The following RPGRIP1L variants were observed in gnomAD, a reference collection of about 807,000 sequenced individuals.
The protein encoded by RPGRIP1L is protein fantom.
A neutral mutation model predicts 160.4 loss-of-function variants in RPGRIP1L; 131 were observed. The observed-to-expected ratio is 0.82, with a 90% CI of 0.71 to 0.94. The LOEUF is 0.94. RPGRIP1L is among the 40% of genes least tolerant of loss of function. The probability of loss-of-function intolerance (pLI) is 0.00; values close to 1 mark genes in which losing one functional copy is unlikely to be tolerated. For missense variants in RPGRIP1L, 1,522 were observed against 1,535.8 expected, an observed-to-expected ratio of 0.99 and a Z score of 0.15; for synonymous variants, 510 against 515.8, an observed-to-expected ratio of 0.99 and a Z score of 0.15.
intron 11 of RPGRIP1L, 51 bp from the exon 12 acceptor site, chr16:53,658,515 A>G: frequency 7.3e-7 from 1 of 1,365,770 alleles, no homozygotes; most frequent in Non-Finnish European, 1.0e-6. Flanking sequence ...GGAAAATACA[A>G]GAGACATTCC....
intron 24 of RPGRIP1L, among the ~76,000 whole-genome samples, chr16:53,615,852 C>T (rs1026475898): frequency 5.3e-5 from 8 of 152,240 alleles, no homozygotes; most frequent in Non-Finnish European, 1.0e-4. Flanking sequence ...CCACCTCAGC[C>T]TCCCAAAGTG....
chr16:53,686,304 T>C, intron 6 of RPGRIP1L, 129 bp downstream of exon 6: 2 of 1,022,108 alleles, frequency 2.0e-6, no homozygotes, highest in South Asian at 1.4e-5. Context: ...AGCATAGGCT[T>C]ATATGAAGAA....
intron 15 of RPGRIP1L, among the ~76,000 whole-genome samples, chr16:53,650,911 G>A (rs1247110171): frequency 6.6e-6 from 1 of 151,988 alleles, no homozygotes; most frequent in African/African-American, 2.4e-5. Context: ...CTTGGTCCTT[G>A]GCTACCTTCT....
At chr16:53,635,906 ATAC>A (rs2151026879) in intron 22 of RPGRIP1L, among the ~76,000 whole-genome samples, 1 of 152,340 alleles carries the variant, frequency 6.6e-6, no homozygotes, top group South Asian at 2.1e-4. Flanking sequence ...TTCAATTTAC[ATAC>A]TACTTTTCAG....
At chr16:53,609,115 G>A (rs1468729133) in intron 25 of RPGRIP1L, among the ~76,000 whole-genome samples, 1 of 152,184 alleles carries the variant, frequency 6.6e-6, no homozygotes, top group East Asian at 1.9e-4. Flanking sequence ...TTGAGACAGG[G>A]TCTTGCTCTC....
intron 22 of RPGRIP1L, among the ~76,000 whole-genome samples, chr16:53,625,366 G>A (rs1014297178): frequency 2.7e-5 from 4 of 150,620 alleles, no homozygotes; most frequent in South Asian, 2.1e-4. Context: ...GCCTCCGCCC[G>A]GCCGCCACCC....
chr16:53,625,362 G>A (rs1965036096), intron 22 of RPGRIP1L, among the ~76,000 whole-genome samples: 1 of 150,616 alleles, frequency 6.6e-6, no homozygotes, highest in Non-Finnish European at 1.5e-5. Flanking sequence ...GAGCGCCTCC[G>A]CCCGGCCGCC....
rs1253551117 is a variant in RPGRIP1L at position 53,615,451 on chromosome 16, A to AAT, written c.3616+3572_3616+3573dup. Reference sequence around the variant, plus strand: ...GTTTTTCAGTGTTGGTATTTCTAAGAATATATATATATATATATATATTTT... The same window carrying AAT: ...GTTTTTCAGTGTTGGTATTTCTAAGAATATATATATATATATATATATATTTT... On this transcript the variant is annotated intron_variant, in intron 24 of 26. Transcript: ENST00000647211. Among the ~76,000 whole-genome samples, 56 of 122,392 alleles carry AAT rather than the reference A, an allele frequency of 4.6e-4. No homozygotes were observed. In the South Asian group the frequency reaches 6.6e-3, roughly 15 times the overall value. 80.3% of individuals were successfully genotyped at this position (122,392 alleles called of 152,430 possible). A position where few individuals can be genotyped will look rare whatever the true frequency, so the allele number is the denominator to read the frequency against.
chr16:53,690,244 T>G (rs1970292666), intron 4 of RPGRIP1L, among the ~76,000 whole-genome samples: 1 of 152,230 alleles, frequency 6.6e-6, no homozygotes, highest in African/African-American at 2.4e-5. Context: ...TCGCCCAGGT[T>G]GGAGTGCAAT....
intron 15 of RPGRIP1L, among the ~76,000 whole-genome samples, chr16:53,651,550 G>C (rs1013479604): frequency 5.9e-5 from 9 of 152,134 alleles, no homozygotes; most frequent in African/African-American, 1.4e-4. Flanking sequence ...GCTTACTGCT[G>C]TTCCTCCCAC....
intron 6 of RPGRIP1L, 75 bp downstream of exon 6, chr16:53,686,358 T>C: frequency 1.4e-6 from 2 of 1,449,276 alleles, no homozygotes; most frequent in Non-Finnish European, 1.9e-6. Context: ...GATAAACTTA[T>C]CCTTTTATGG....
In RPGRIP1L at chr16:53,657,580, C is replaced by T. The variant is rs749419261; in HGVS notation, c.1454G>A (p.Ser485Asn). Reference protein sequence around the residue: ...GDLSFLVKVDSEINKDLERSM... With the variant: ...GDLSFLVKVDNEINKDLERSM... Reference sequence around the variant, plus strand: ...GCGTTCTAGATCTTTATTAATTTCACTATCTACTTTCACTAAAAAGGAAAG... The same window carrying T: ...GCGTTCTAGATCTTTATTAATTTCATTATCTACTTTCACTAAAAAGGAAAG... Residue 485 changes from serine to asparagine, a missense_variant, in exon 13 of 27, where the codon AGT (serine) becomes AAT (asparagine). Ser to Asn is a conservative substitution (Grantham distance 46, BLOSUM62 1). Coordinates refer to ENST00000647211, the MANE Select transcript of RPGRIP1L (RefSeq NM_015272.5). 1.2e-6 allele frequency: 2 copies of T among 1,600,862 alleles called. No individual in the cohort carries two copies. The highest frequency in any genetic ancestry group is 8.5e-7 in the Non-Finnish European group (1 of 1,170,412).
chr16:53,673,394 G>C (rs1017663540), intron 7 of RPGRIP1L, among the ~76,000 whole-genome samples: 3 of 152,260 alleles, frequency 2.0e-5, no homozygotes, highest in African/African-American at 7.2e-5. Context: ...GGTCAAAAAT[G>C]CTGACCACAG....
At chr16:53,628,048 G>T (rs1008055028) in intron 22 of RPGRIP1L, among the ~76,000 whole-genome samples, 3 of 152,038 alleles carry the variant, frequency 2.0e-5, no homozygotes, top group Admixed American at 6.6e-5. Flanking sequence ...ATAGGTAAGA[G>T]AATTTCAACC....
chr16:53,624,431 G>A (rs1230133056), intron 22 of RPGRIP1L, among the ~76,000 whole-genome samples: 1 of 151,836 alleles, frequency 6.6e-6, no homozygotes, highest in East Asian at 1.9e-4. Context: ...CACGCGCCTG[G>A]TACTCGGGAG....
At chr16:53,648,898 C>T (rs1055610127) in intron 16 of RPGRIP1L, 66 bp downstream of exon 16, 129 of 1,420,766 alleles carry the variant, frequency 9.1e-5, no homozygotes, top group Admixed American at 3.5e-4. Flanking sequence ...GTTTAAAGCA[C>T]GACACATAAA....
intron 10 of RPGRIP1L, among the ~76,000 whole-genome samples, chr16:53,663,299 C>G (rs777430021): frequency 6.6e-6 from 1 of 151,798 alleles, no homozygotes; most frequent in South Asian, 2.1e-4. Flanking sequence ...ATTAATTCAA[C>G]GACAATAAAC....
intron 15 of RPGRIP1L, among the ~76,000 whole-genome samples, chr16:53,650,074 C>A (rs781156540): frequency 7.9e-5 from 12 of 152,090 alleles, no homozygotes; most frequent in Non-Finnish European, 1.6e-4. Flanking sequence ...TTACTATCTG[C>A]CTGCTATAGT....
At chr16:53,691,641 C>T (rs962590644) in intron 4 of RPGRIP1L, among the ~76,000 whole-genome samples, 5 of 152,178 alleles carry the variant, frequency 3.3e-5, no homozygotes, top group African/African-American at 9.7e-5. Flanking sequence ...GTCATGCTAC[C>T]GCCATCCAAT....
Sources: gnomAD v4.1 joint callset for allele counts (sites outside exome capture counted in the v4.1 genomes callset) on GRCh38, gnomAD v4.1.1 for gene constraint, MANE v1.5 for transcripts, NCBI Gene and HGNC (gene_info 2026-07-23, HGNC 2026-07-21) for gene names.